Variants in MTUS2 observed in about 807,000 individuals in gnomAD.
MTUS2 encodes the protein microtubule-associated tumor suppressor candidate 2.
A neutral mutation model predicts 114.1 loss-of-function variants in MTUS2; 40 were observed. The ratio of observed to expected loss-of-function variants is 0.35; its 90% CI spans 0.27 to 0.46. MTUS2 has a LOEUF of 0.46. Among genes scored for constraint, MTUS2 ranks in the 20% least tolerant of loss-of-function variants. The probability of loss-of-function intolerance (pLI) is 1.00; values close to 1 mark genes in which losing one functional copy is unlikely to be tolerated. For synonymous variants in MTUS2, 688 were observed against 672.0 expected (o/e 1.02, Z -0.37); for missense variants, 1,679 against 1,705.4 (o/e 0.98, Z 0.27).
At chr13:29,350,087 G>C (rs747912367) in intron 7 of MTUS2, among the ~76,000 whole-genome samples, 10 of 151,838 alleles carry the variant, frequency 6.6e-5, no homozygotes, top group Non-Finnish European at 1.3e-4. Context: ...TTTCATTCTA[G>C]ATAGTTTCTC....
rs756714663 is a variant in MTUS2 at position 29,026,838 on chromosome 13, A to C, written c.2140A>C (p.Met714Leu). ...QKPRVFSSGLMVSGIKPPGHP... is the reference protein window; with the variant it reads ...QKPRVFSSGLLVSGIKPPGHP... ...GCCAAGGGTCTTCAGTTCCGGATTG[A>C]TGGTGTCTGGAATCAAGCCCCCGGG... The change falls in exon 3 of 16, where the codon ATG (methionine) becomes CTG (leucine). Residue 714 changes from methionine to leucine, a missense_variant. Physicochemically the swap from Met to Leu is conservative, Grantham distance 15 (BLOSUM62 2). Around this residue, in one of 3 missense-constraint regions of MTUS2, gnomAD observed 822 missense variants for 899.7 expected, o/e 0.91. Transcript: ENST00000612955. 6.2e-7 allele frequency: 1 copy of C among 1,608,916 alleles called. No homozygotes were observed. Among genetic ancestry groups the C allele is most frequent in the African/African-American group, 1.3e-5 (1 of 74,944 alleles).
chr13:28,947,630 G>T (rs1358570266), intron 2 of MTUS2, among the ~76,000 whole-genome samples: 1 of 152,114 alleles, frequency 6.6e-6, no homozygotes, highest in East Asian at 1.9e-4. Context: ...GTAATTATAG[G>T]TATTGACTTC....
chr13:28,868,260 G>A (rs1342107515), intron 2 of MTUS2, among the ~76,000 whole-genome samples: 1 of 152,080 alleles, frequency 6.6e-6, no homozygotes, highest in Non-Finnish European at 1.5e-5. Flanking sequence ...GTTATTCTTC[G>A]TGATAGGTTT....
intron 5 of MTUS2, among the ~76,000 whole-genome samples, chr13:29,224,554 T>G (rs1896033696): frequency 6.6e-6 from 1 of 152,220 alleles, no homozygotes; most frequent in South Asian, 2.1e-4. Flanking sequence ...GTTTTATAGC[T>G]GTTTTGTTCC....
chr13:29,185,750 T>A (rs1486982518), intron 5 of MTUS2, among the ~76,000 whole-genome samples: 1 of 152,202 alleles, frequency 6.6e-6, no homozygotes, highest in Admixed American at 6.5e-5. Flanking sequence ...TCTGTCACTA[T>A]CAGATATTTC....
Position 28,955,652 on chromosome 13 carries a change from C to T in MTUS2, c.-242-68805C>T, listed in dbSNP as rs76578099. Among the ~76,000 whole-genome samples the T allele has an allele frequency of 9.5e-4, 145 of 152,242 alleles. No individual in the cohort carries two copies. In the East Asian group the frequency reaches 0.014, roughly 15 times the overall value. Reference sequence around the variant, plus strand: ...TGTAAGCCAATCCTTTCTTACTCCCCCTCCCTTCAGATGCCATTGTCTCCC... The same window carrying T: ...TGTAAGCCAATCCTTTCTTACTCCCTCTCCCTTCAGATGCCATTGTCTCCC... On this transcript the variant is annotated intron_variant, in intron 2 of 15. Transcript: ENST00000612955.
At chr13:29,232,176 A>T (rs1020743900) in intron 5 of MTUS2, among the ~76,000 whole-genome samples, 6 of 152,144 alleles carry the variant, frequency 3.9e-5, no homozygotes, top group Non-Finnish European at 8.8e-5. Flanking sequence ...AATAAAAGCC[A>T]GAAATTCAGA....
At chr13:29,211,422 G>C (rs1485951244) in intron 5 of MTUS2, among the ~76,000 whole-genome samples, 2 of 152,292 alleles carry the variant, frequency 1.3e-5, no homozygotes, top group African/African-American at 4.8e-5. Flanking sequence ...ACCTGCAGCA[G>C]CTTCTGTGCG....
intron 6 of MTUS2, among the ~76,000 whole-genome samples, chr13:29,289,248 T>A (rs1174005594): frequency 6.6e-6 from 1 of 152,052 alleles, no homozygotes; most frequent in African/African-American, 2.4e-5. Context: ...GACTAATGGA[T>A]GGGATGGTAA....
chr13:28,842,881 G>A (rs1387938940), intron 2 of MTUS2, among the ~76,000 whole-genome samples: 1 of 152,142 alleles, frequency 6.6e-6, no homozygotes, highest in East Asian at 1.9e-4. Flanking sequence ...ACTGTGCTGA[G>A]CCCAACACTC....
chr13:29,394,653 C>G (rs951842981), intron 8 of MTUS2, among the ~76,000 whole-genome samples: 17 of 152,222 alleles, frequency 1.1e-4, no homozygotes, highest in Non-Finnish European at 1.9e-4. Flanking sequence ...GATCCCCAAC[C>G]CCCTGGCCAC....
At chr13:29,324,777 T>C in intron 7 of MTUS2, 66 bp downstream of exon 7, 1 of 1,243,480 alleles carries the variant, frequency 8.0e-7, no homozygotes, top group Non-Finnish European at 1.2e-6. Flanking sequence ...CTTATTCAGA[T>C]GTCATTAATG....
intron 5 of MTUS2, among the ~76,000 whole-genome samples, chr13:29,179,828 T>C (rs1288251477): frequency 6.6e-6 from 1 of 152,230 alleles, no homozygotes; most frequent in Admixed American, 6.5e-5. Context: ...ACAGCTGAAC[T>C]CTTTCATTTT....
chr13:28,985,773 A>G (rs1363991820), intron 2 of MTUS2, among the ~76,000 whole-genome samples: 2 of 152,152 alleles, frequency 1.3e-5, no homozygotes, highest in Admixed American at 1.3e-4. Context: ...GATTTTGGGT[A>G]AAGCAGATTG....
chr13:28,937,231 C>T (rs1337721751), intron 2 of MTUS2, among the ~76,000 whole-genome samples: 1 of 151,992 alleles, frequency 6.6e-6, no homozygotes, highest in Non-Finnish European at 1.5e-5. Context: ...CACCAATCAA[C>T]ACACTGTAGG....
intron 5 of MTUS2, among the ~76,000 whole-genome samples, chr13:29,199,541 G>A (rs566646322): frequency 2.0e-5 from 3 of 152,192 alleles, no homozygotes; most frequent in East Asian, 1.9e-4. Flanking sequence ...GGATAAAGCC[G>A]AGTTGATCAT....
At chr13:29,038,828 C>G (rs1018810517) in intron 4 of MTUS2, among the ~76,000 whole-genome samples, 7 of 152,224 alleles carry the variant, frequency 4.6e-5, no homozygotes, top group African/African-American at 1.7e-4. Flanking sequence ...TTTCTGGTGG[C>G]TTTGTTTACA....
intron 4 of MTUS2, among the ~76,000 whole-genome samples, chr13:29,058,377 A>G (rs1315366947): frequency 3.3e-5 from 5 of 151,526 alleles, no homozygotes; most frequent in Non-Finnish European, 7.4e-5. Flanking sequence ...ATGTTTTCCA[A>G]ATTGCTTGTT....
chr13:29,207,770 A>C (rs1353831900), intron 5 of MTUS2, among the ~76,000 whole-genome samples: 1 of 152,160 alleles, frequency 6.6e-6, no homozygotes, highest in Non-Finnish European at 1.5e-5. Context: ...CCTAGTATGA[A>C]TCCCACTTGA....
Sources: allele counts gnomAD v4.1 joint callset (sites outside exome capture counted in the v4.1 genomes callset), GRCh38; gene constraint gnomAD v4.1.1; regional missense constraint gnomAD v4.1.1; transcripts MANE v1.5; gene names NCBI Gene and HGNC (gene_info 2026-07-23, HGNC 2026-07-21).